SULF2: variants seen among roughly 807,000 people sequenced by gnomAD.
SULF2 encodes sulfatase 2.
Under a neutral mutation model 107.7 loss-of-function variants are expected in SULF2, and 52 were observed. That is an observed-to-expected ratio of 0.48 (90% CI 0.39 to 0.61). The LOEUF (loss-of-function observed/expected upper bound fraction) is 0.61. SULF2 is among the 20% of genes least tolerant of loss of function. The pLI, the probability that SULF2 is intolerant of heterozygous loss-of-function variation, is 0.00. For synonymous variants in SULF2, 460 were observed against 464.3 expected (o/e 0.99, Z 0.12); for missense variants, 993 against 1,177.3 (o/e 0.84, Z 2.29).
chr20:47,757,691 T>C (rs1347693155), intron 1 of SULF2, among the ~76,000 whole-genome samples: 2 of 151,760 alleles, frequency 1.3e-5, no homozygotes, highest in Non-Finnish European at 2.9e-5. Flanking sequence ...GCAGAAACAA[T>C]TTCTTCCCTG....
At chr20:47,778,273 A>G (rs2090760682) in intron 1 of SULF2, among the ~76,000 whole-genome samples, 1 of 152,228 alleles carries the variant, frequency 6.6e-6, no homozygotes, top group Non-Finnish European at 1.5e-5. Flanking sequence ...ACATGGCCAA[A>G]CACATCTTTG....
At chr20:47,777,465 G>A (rs1812773690) in intron 1 of SULF2, among the ~76,000 whole-genome samples, 1 of 152,200 alleles carries the variant, frequency 6.6e-6, no homozygotes, top group Admixed American at 6.5e-5. Flanking sequence ...AAGACATGAT[G>A]AGGACAGAAG....
chr20:47,777,734 G>A (rs1345798851), intron 1 of SULF2, among the ~76,000 whole-genome samples: 1 of 152,176 alleles, frequency 6.6e-6, no homozygotes, highest in Non-Finnish European at 1.5e-5. Flanking sequence ...GCAATCAGAA[G>A]TCTATGGATA....
At chr20:47,752,525 G>A (rs2090179859) in intron 2 of SULF2, among the ~76,000 whole-genome samples, 1 of 148,494 alleles carries the variant, frequency 6.7e-6, no homozygotes, top group Non-Finnish European at 1.5e-5. Flanking sequence ...GAGCTCAGGA[G>A]TTTGCAACCA....
chr20:47,730,907 G>A (rs2089581924), intron 3 of SULF2, among the ~76,000 whole-genome samples: 1 of 152,208 alleles, frequency 6.6e-6, no homozygotes, highest in South Asian at 2.1e-4. Flanking sequence ...AGCTGCTGCA[G>A]AGCAGGTGAT....
chr20:47,767,548 C>T (rs71351696), intron 1 of SULF2, among the ~76,000 whole-genome samples: 7,643 of 152,082 alleles, frequency 0.05, 240 homozygotes, highest in Admixed American at 0.085. Context: ...TGGGAGGCTG[C>T]GGCAGGTGGA....
intron 3 of SULF2, among the ~76,000 whole-genome samples, chr20:47,728,508 G>A (rs944261626): frequency 5.9e-5 from 9 of 152,094 alleles, no homozygotes; most frequent in Admixed American, 1.3e-4. Flanking sequence ...GGCTGCTGGC[G>A]GGGACAGAAT....
chr20:47,661,966 A>AG (rs1236929550), intron 17 of SULF2, 70 bp from the exon 18 acceptor site: 1 of 1,371,776 alleles, frequency 7.3e-7, no homozygotes, highest in African/African-American at 1.5e-5. Context: ...TCTACCAACC[A>AG]GGGGACATAT....
chr20:47,755,566 C>A (rs1285362057), intron 2 of SULF2, among the ~76,000 whole-genome samples: 2 of 152,152 alleles, frequency 1.3e-5, no homozygotes, highest in Non-Finnish European at 2.9e-5. Flanking sequence ...ACCCATTGAT[C>A]AGTTTATTTC....
At chr20:47,691,871 G>A (rs2088207790) in intron 4 of SULF2, among the ~76,000 whole-genome samples, 1 of 152,178 alleles carries the variant, frequency 6.6e-6, no homozygotes, top group Admixed American at 6.5e-5. Flanking sequence ...AAGAAGTTGA[G>A]GTTTGCCTAT....
chr20:47,775,037 T>C (rs1320513837), intron 1 of SULF2, among the ~76,000 whole-genome samples: 2 of 152,122 alleles, frequency 1.3e-5, no homozygotes, highest in African/African-American at 4.8e-5. Context: ...CTTGAGGTAG[T>C]AAGTGTTGGG....
chr20:47,738,250 T>C (rs1239273289), intron 2 of SULF2, among the ~76,000 whole-genome samples: 2 of 152,226 alleles, frequency 1.3e-5, no homozygotes, highest in Non-Finnish European at 2.9e-5. Context: ...GTACTCAACA[T>C]AGGTGTGACG....
chr20:47,692,119 G>A (rs1436256823), intron 4 of SULF2, among the ~76,000 whole-genome samples: 1 of 152,140 alleles, frequency 6.6e-6, no homozygotes, highest in Non-Finnish European at 1.5e-5. Context: ...TCAAGGTAAT[G>A]ACTTCTTGAA....
At chr20:47,716,022 A>G (rs913012929) in intron 3 of SULF2, among the ~76,000 whole-genome samples, 1 of 152,210 alleles carries the variant, frequency 6.6e-6, no homozygotes, top group African/African-American at 2.4e-5. Flanking sequence ...CACACGGGAC[A>G]TGACTTCCAT....
chr20:47,747,040 G>A (rs1410521007), intron 2 of SULF2, among the ~76,000 whole-genome samples: 11 of 139,298 alleles, frequency 7.9e-5, no homozygotes, highest in Non-Finnish European at 1.6e-4. Flanking sequence ...CACATAAAAA[G>A]GGAATCTCTT....
chr20:47,661,822 G>A lies in SULF2; in HGVS notation c.2445C>T (p.Ser815=), dbSNP rs2087083647. 1 of 1,591,106 alleles carries A rather than the reference G, an allele frequency of 6.3e-7. No homozygotes were observed. The highest frequency in any genetic ancestry group is 1.1e-5 in the South Asian group (1 of 88,310). The change falls in exon 18 of 21, where the codon AGC becomes AGT. Residue 815 remains serine, a synonymous_variant. Transcript: ENST00000688720. ...GGTTACACTGCTTGTAACCCTTGCA[G>A]CTCCTCAGCTCCATGAGCTGTACGT... ...QLHVQLMELR[S]CKGYKQCNPR...
rs543792247 is a variant in SULF2 at position 47,694,190 on chromosome 20, C to G, written c.568-3895G>C. On this transcript the variant is annotated intron_variant, in intron 4 of 20. Transcript: ENST00000688720. This position sits in a 1 kb window ranked among gnomAD's most constrained non-coding sequence, Gnocchi z 4.4. The stretch of plus-strand genomic sequence containing the variant: ...TCCGGCCACAGGGCTTCAGCCATGC[C>G]CTGTTCTCTCTGAGGGAGAGAACAG... Among the ~76,000 whole-genome samples, 67 of 152,322 alleles carry G rather than the reference C, an allele frequency of 4.4e-4. No individual in the cohort carries two copies. Among genetic ancestry groups the G allele is most frequent in the Non-Finnish European group, 8.4e-4 (57 of 68,032 alleles).
At chr20:47,720,926 G>C (rs937824819) in intron 3 of SULF2, among the ~76,000 whole-genome samples, 1 of 152,196 alleles carries the variant, frequency 6.6e-6, no homozygotes, top group Non-Finnish European at 1.5e-5. Flanking sequence ...GCAAACTCTA[G>C]AACAGCATAA....
At chr20:47,726,494 C>T (rs1489174039) in intron 3 of SULF2, among the ~76,000 whole-genome samples, 1 of 152,188 alleles carries the variant, frequency 6.6e-6, no homozygotes, top group East Asian at 1.9e-4. Context: ...GGATTACAGG[C>T]CCAGCCATAG....
Sources: gnomAD v4.1 joint callset for allele counts (sites outside exome capture counted in the v4.1 genomes callset) on GRCh38, gnomAD v4.1.1 for gene constraint, Gnocchi (gnomAD v3.1) non-coding constraint, MANE v1.5 for transcripts, NCBI Gene and HGNC (gene_info 2026-07-23, HGNC 2026-07-21) for gene names.